Variants in PLAU observed in about 807,000 individuals in gnomAD.
PLAU encodes the protein plasminogen activator, urokinase.
Under a neutral mutation model 48.9 loss-of-function variants are expected in PLAU, and 32 were observed. That is an observed-to-expected ratio of 0.65 (90% confidence interval 0.49 to 0.88). The LOEUF is 0.88. Among genes scored for constraint, PLAU ranks in the 40% least tolerant of loss-of-function variants. The pLI is 0.00. For synonymous variants in PLAU, 199 were observed against 205.7 expected (o/e 0.97, Z 0.28); for missense variants, 455 against 545.2 (o/e 0.83, Z 1.65).
intron 2 of PLAU, 199 bp from the exon 3 acceptor site, chr10:73,911,842 T>TGGTA: frequency 6.4e-7 from 1 of 1,552,282 alleles, no homozygotes; most frequent in Non-Finnish European, 8.7e-7. Context: ...TGCGGGCATC[T>TGGTA]GGTAGATGAA....
chr10:73,913,678 C>G lies in PLAU; in HGVS notation c.600C>G (p.His200Gln). ...GGTTTGCGGCCATCTACAGGAGGCA[C>G]CGGGGGGGCTCTGTCACCTACGTGT... ...QPWFAAIYRRHRGGSVTYVCG... is the reference protein window; with the variant it reads ...QPWFAAIYRRQRGGSVTYVCG... Residue 200 changes from histidine (H) to glutamine (Q), a missense_variant, in exon 7 of 11, where the codon CAC (histidine) becomes CAG (glutamine). Transcript: ENST00000372764. 1 of 1,613,758 alleles carries G rather than the reference C, an allele frequency of 6.2e-7. No homozygotes were observed. The highest frequency in any genetic ancestry group is 2.2e-5 in the East Asian group (1 of 44,884).
Position 73,911,737 on chromosome 10 carries a change from C to T in PLAU, c.57+125C>T, listed in dbSNP as rs1304748674. 5.8e-6 allele frequency: 9 copies of T among 1,554,936 alleles called. No homozygotes were observed. In the Admixed American group the frequency reaches 7.8e-5, roughly 14 times the overall value. On this transcript the variant is annotated intron_variant, in intron 2 of 10. Coordinates refer to ENST00000372764, the MANE Select transcript of PLAU (RefSeq NM_002658.6). ...ATCCACAGCAGGGCCAGACTCTCCC[C>T]AGGAAATGGGACAGGGTGGCAGCGG...
In PLAU at chr10:73,911,161, G is replaced by A. The variant is rs994308305; in HGVS notation, c.-89G>A. On this transcript the variant is annotated 5_prime_UTR_variant, in exon 1 of 11. Transcript: ENST00000372764. ...TGCGGAGACCGCAGCCCCGGAGCCC[G>A]GGCCAGGGTCCACCTGTCCCCGCAG... 1.2e-5 allele frequency: 3 copies of A among 243,062 alleles called. No individual in the cohort carries two copies. Among genetic ancestry groups the A allele is most frequent in the Middle Eastern group, 1.3e-3 (1 of 746 alleles). The allele number at this position is 243,062 out of a possible 1,614,324, so 15.1% of individuals were successfully genotyped here.
intron 5 of PLAU, 74 bp from the exon 6 acceptor site, chr10:73,913,216 G>A: frequency 6.3e-7 from 1 of 1,577,196 alleles, no homozygotes; most frequent in East Asian, 2.2e-5. Flanking sequence ...CTCTGGTTGA[G>A]TCTTCCCTGA....
Position 73,913,762 on chromosome 10 carries a change from C to A in PLAU, c.680+4C>A. The stretch of plus-strand genomic sequence containing the variant: ...TCAGCGCCACACACTGCTTCATGTA[C>A]GGCCCTGGGTTTCTCCTCTTCGACT... On this transcript the variant is annotated splice_donor_region_variant and intron_variant, in intron 7 of 10. Transcript: ENST00000372764. 1 of 1,581,292 alleles carries A rather than the reference C, an allele frequency of 6.3e-7. No homozygotes were observed. Among genetic ancestry groups the A allele is most frequent in the Non-Finnish European group, 8.6e-7 (1 of 1,161,852 alleles).
At position 73,916,696 on chromosome 10, in the gene PLAU, C is replaced by T. The variant is rs531366496; in HGVS notation, c.*131C>T. On this transcript the variant is annotated 3_prime_UTR_variant, in exon 11 of 11. Coordinates refer to ENST00000372764, the MANE Select transcript of PLAU (RefSeq NM_002658.6). ...TGCACAGATGGATTTGCCTGTGCCA[C>T]CCACCAGGGCGAACGACAATAGCTT... 4 of 763,936 alleles carry T rather than the reference C, an allele frequency of 5.2e-6. No homozygotes were observed. Among genetic ancestry groups the T allele is most frequent in the South Asian group, 3.7e-5 (2 of 54,174 alleles). The allele number at this position is 763,936 out of a possible 1,614,324, so 47.3% of individuals were successfully genotyped here. A position where few individuals can be genotyped will look rare whatever the true frequency, so the allele number is the denominator to read the frequency against.
chr10:73,914,663 TG>T, intron 8 of PLAU, 112 bp from the exon 9 acceptor site: 1 of 1,022,970 alleles, frequency 9.8e-7, no homozygotes, highest in East Asian at 2.5e-5. Context: ...CAGACCTCCC[TG>T]GATGACTGAC....
chr10:73,911,829 G>T, intron 2 of PLAU: 2 of 1,552,000 alleles, frequency 1.3e-6, no homozygotes, highest in Non-Finnish European at 8.7e-7. Context: ...GACTGCCCCA[G>T]CCTGCGGGCA....
At position 73,916,429 on chromosome 10, in the gene PLAU, G is replaced by C. The variant is rs867666007; in HGVS notation, c.1160G>C (p.Arg387Pro). The C allele has an allele frequency of 6.2e-7, 1 of 1,613,190 alleles. No individual in the cohort carries two copies. The highest frequency in any genetic ancestry group is 1.7e-5 in the Admixed American group (1 of 59,898). Residue 387 changes from arginine to proline, a missense_variant, in exon 11 of 11, where the codon CGC (arginine) becomes CCC (proline). Physicochemically the swap from Arg to Pro is moderately radical, Grantham distance 103 (BLOSUM62 -2). Coordinates refer to ENST00000372764, the MANE Select transcript of PLAU (RefSeq NM_002658.6). ...GGPLVCSLQG[R>P]MTLTGIVSWG... ...CCCCTCGTCTGTTCCCTCCAAGGCCGCATGACTTTGACTGGAATTGTGAGC... is the reference window on the plus strand; with the variant it reads ...CCCCTCGTCTGTTCCCTCCAAGGCCCCATGACTTTGACTGGAATTGTGAGC...
chr10:73,913,752 G>A lies in PLAU; in HGVS notation c.674G>A (p.Cys225Tyr). 6.3e-7 allele frequency: 1 copy of A among 1,592,316 alleles called. No homozygotes were observed. Among genetic ancestry groups the A allele is most frequent in the Non-Finnish European group, 8.6e-7 (1 of 1,167,980 alleles). ...SPCWVISATH[C>Y]FIDYPKKEDY... ...TGCTGGGTGATCAGCGCCACACACT[G>A]CTTCATGTACGGCCCTGGGTTTCTC... Residue 225 changes from cysteine (C) to tyrosine (Y), a missense_variant, in exon 7 of 11, where the codon TGC becomes TAC. Cys to Tyr is a radical substitution (Grantham distance 194, BLOSUM62 -2). Coordinates refer to ENST00000372764, the MANE Select transcript of PLAU (RefSeq NM_002658.6).
intron 4 of PLAU, 49 bp downstream of exon 4, chr10:73,912,371 G>T: frequency 1.7e-6 from 2 of 1,173,876 alleles, no homozygotes; most frequent in Non-Finnish European, 2.5e-6. Context: ...GGACAGGGAG[G>T]GATGGGTGGG....
At chr10:73,909,255 T>C (rs2459449), upstream of PLAU, 109,317 of 152,062 alleles carry the variant, frequency 0.72, 39,923 homozygotes, top group Middle Eastern at 0.85. Flanking sequence ...ATCATGACGG[T>C]CCCTGGGAAT....
In PLAU at chr10:73,914,802, G is replaced by A; in HGVS notation, c.856G>A (p.Gly286Ser). The change falls in exon 9 of 11, where the codon GGC becomes AGC. Residue 286 changes from glycine (G) to serine (S), a missense_variant. Physicochemically the swap from Gly to Ser is moderately conservative, Grantham distance 56 (BLOSUM62 0). Transcript: ENST00000372764. ...CTTGCTGAAGATCCGTTCCAAGGAG[G>A]GCAGGTGTGCGCAGCCATCCCGGAC... Reference protein sequence around the residue: ...IALLKIRSKEGRCAQPSRTIQ... With the variant: ...IALLKIRSKESRCAQPSRTIQ... The A allele has an allele frequency of 6.2e-7, 1 of 1,614,052 alleles. No homozygotes were observed. The highest frequency in any genetic ancestry group is 8.5e-7 in the Non-Finnish European group (1 of 1,179,950).
chr10:73,911,535 T>C lies in PLAU; in HGVS notation c.-21T>C. On this transcript the variant is annotated 5_prime_UTR_variant, in exon 2 of 11. Transcript: ENST00000372764. ...CTCCTTCCTTTGCAGAGCCGCCGTC[T>C]AGCGCCCCGACCTCGCCACCATGAG... The C allele has an allele frequency of 6.2e-7, 1 of 1,610,390 alleles. No individual in the cohort carries two copies.
Position 73,913,704 on chromosome 10 carries a change from G to C in PLAU, c.626G>C (p.Cys209Ser), listed in dbSNP as rs1160161785. The part of the protein sequence containing the change: ...RHRGGSVTYV[C>S]GGSLISPCWV... ...CGGGGGGGCTCTGTCACCTACGTGT[G>C]TGGAGGCAGCCTCATCAGCCCTTGC... Residue 209 changes from cysteine to serine, a missense_variant, in exon 7 of 11, where the codon TGT becomes TCT. By Grantham distance (112) the Cys-to-Ser change is moderately radical (BLOSUM62 -1). Transcript: ENST00000372764. 2 of 1,612,948 alleles carry C rather than the reference G, an allele frequency of 1.2e-6. No individual in the cohort carries two copies.
chr10:73,915,375 A>T lies in PLAU; in HGVS notation c.1095A>T (p.Pro365=). ...CCAAAATGCTGTGTGCTGCTGACCC[A>T]CAGTGGAAAACAGATTCCTGCCAGG... is the stretch of plus-strand genomic sequence containing the variant. ...VTTKMLCAAD[P]QWKTDSCQGD... is the part of the protein sequence containing the mutation. Residue 365 remains proline (P), a synonymous_variant, in exon 10 of 11, where the codon CCA becomes CCT. Transcript: ENST00000372764. The T allele has an allele frequency of 6.2e-7, 1 of 1,608,882 alleles. No individual in the cohort carries two copies. Among genetic ancestry groups the T allele is most frequent in the South Asian group, 1.1e-5 (1 of 90,572 alleles).
In PLAU at chr10:73,912,062, G is replaced by T. The variant is rs2096125577; in HGVS notation, c.79G>T (p.Val27Phe). ...DSKGSNELHQ[V>F]PSNCDCLNGG... is the part of the protein sequence containing the mutation. Reference sequence around the variant, plus strand: ...CCAGGGCAGCAATGAACTTCATCAAGTTCCATGTGAGTATCCACCCCTACA... The same window carrying T: ...CCAGGGCAGCAATGAACTTCATCAATTTCCATGTGAGTATCCACCCCTACA... The change falls in exon 3 of 11, where the codon GTT (valine) becomes TTT (phenylalanine). Residue 27 changes from valine (V) to phenylalanine (F), a missense_variant. Transcript: ENST00000372764. 6.2e-7 allele frequency: 1 copy of T among 1,608,744 alleles called. No individual in the cohort carries two copies. The highest frequency in any genetic ancestry group is 8.5e-7 in the Non-Finnish European group (1 of 1,176,842).
chr10:73,910,425 A>G (rs2136183283), upstream of PLAU: 1 of 152,350 alleles, frequency 6.6e-6, no homozygotes, highest in East Asian at 1.9e-4. Flanking sequence ...CACGACACCT[A>G]ACCCAATCCT....
chr10:73,911,432 G>A, intron 1 of PLAU, 93 bp from the exon 2 acceptor site: 1 of 1,281,554 alleles, frequency 7.8e-7, no homozygotes, highest in Non-Finnish European at 1.1e-6. Context: ...GGGGAGCCTG[G>A]TCACCGCGGG....
Sources: gnomAD v4.1 joint callset for allele counts on GRCh38, gnomAD v4.1.1 for gene constraint, MANE v1.5 for transcripts, NCBI Gene and HGNC (gene_info 2026-07-23, HGNC 2026-07-21) for gene names.